Variants in FNTA observed in about 807,000 individuals in gnomAD.
FNTA encodes farnesyltransferase, CAAX box, subunit alpha.
Under a neutral mutation model 55.2 loss-of-function variants are expected in FNTA, and 27 were observed. The ratio of observed to expected loss-of-function variants is 0.49; its 90% CI spans 0.36 to 0.67. The LOEUF (loss-of-function observed/expected upper bound fraction) is 0.67, where lower values mean the gene tolerates loss of function less well. Ranked by LOEUF, FNTA falls within the 30% of genes least tolerant of loss-of-function variation. The pLI, the probability that FNTA is intolerant of heterozygous loss-of-function variation, is 0.00. For missense variants in FNTA, 422 were observed against 464.7 expected (o/e 0.91, Z 0.85); for synonymous variants, 176 against 170.7 (o/e 1.03, Z -0.24).
Position 43,084,868 on chromosome 8 carries a change from A to T in FNTA, c.1004A>T (p.Asn335Ile), listed in dbSNP as rs1395987571. 1 of 1,613,844 alleles carries T rather than the reference A, an allele frequency of 6.2e-7. No homozygotes were observed. The highest frequency in any genetic ancestry group is 2.2e-5 in the East Asian group (1 of 44,866). The change falls in exon 8 of 9, where the codon AAT becomes ATT. Residue 335 changes from asparagine (N) to isoleucine (I), a missense_variant. By Grantham distance (149) the Asn-to-Ile change is moderately radical. This residue lies in a region of FNTA where 262 missense variants were observed against 343.1 expected (regional missense o/e 0.76). Transcript: ENST00000302279. ...TGTGACAATAAGGAAGACATTCTTA[A>T]TAAAGCATTAGAGGTAAGCTGGTGG... ...NQCDNKEDIL[N>I]KALELCEILA...
chr8:43,071,207 C>A (rs1447197295), intron 4 of FNTA, among the ~76,000 whole-genome samples: 1 of 152,020 alleles, frequency 6.6e-6, no homozygotes, highest in Non-Finnish European at 1.5e-5. Context: ...CCATACAATT[C>A]CCCCATTCAA....
chr8:43,068,774 G>A (rs1301494471), intron 3 of FNTA, among the ~76,000 whole-genome samples: 2 of 152,162 alleles, frequency 1.3e-5, no homozygotes, highest in African/African-American at 4.8e-5. Flanking sequence ...GTGCAATGGC[G>A]TGATCTTGGC....
intron 6 of FNTA, chr8:43,082,359 C>T (rs757317309): frequency 4.6e-5 from 7 of 152,136 alleles, no homozygotes; most frequent in Non-Finnish European, 1.0e-4. Context: ...TATTCTTTGC[C>T]TATGTAATTT....
intron 5 of FNTA, among the ~76,000 whole-genome samples, chr8:43,074,839 TTATAC>T (rs975397278): frequency 2.0e-5 from 3 of 152,342 alleles, no homozygotes; most frequent in South Asian, 2.1e-4. Flanking sequence ...ATTGTGGTAG[TTATAC>T]TATACATGGG....
At chr8:43,079,104 C>A in intron 6 of FNTA, 1 of 157,672 alleles carries the variant, frequency 6.3e-6, no homozygotes, top group South Asian at 1.8e-4. Context: ...GAAGCCATCT[C>A]CATAGCATGG....
chr8:43,072,068 A>G (rs1227915689), intron 4 of FNTA, 113 bp from the exon 5 acceptor site: 12 of 719,426 alleles, frequency 1.7e-5, no homozygotes, highest in Middle Eastern at 4.0e-4. Flanking sequence ...AGAATTAGAG[A>G]TGAATTTTTG....
At chr8:43,085,083 T>G in intron 8 of FNTA, 77 bp from the exon 9 acceptor site, 1 of 1,291,100 alleles carries the variant, frequency 7.7e-7, no homozygotes, top group Non-Finnish European at 1.1e-6. Flanking sequence ...TGATTTGAGT[T>G]AAATTGTATT....
At chr8:43,063,357 A>G (rs1810581230) in intron 2 of FNTA, 1 of 454,768 alleles carries the variant, frequency 2.2e-6, no homozygotes, top group Non-Finnish European at 4.4e-6. Flanking sequence ...TTTTTTTGTA[A>G]TCCAATGCTC....
chr8:43,063,568 AAAT>A (rs1174828333), intron 2 of FNTA, among the ~76,000 whole-genome samples: 1 of 152,204 alleles, frequency 6.6e-6, no homozygotes, highest in African/African-American at 2.4e-5. Context: ...GTTTGCATAA[AAAT>A]GAAGGATGGA....
chr8:43,069,552 T>A lies in FNTA; in HGVS notation c.402-3T>A, dbSNP rs1810738236. 2.5e-6 allele frequency: 4 copies of A among 1,592,854 alleles called. No individual in the cohort carries two copies. The Admixed American group carries it at 6.7e-5, about 27-fold the overall frequency. ...GACTTTGGATGTTGTATGTTTGCCC[T>A]AGGCATTTCCGGAGAGTTCTTTTGA... On this transcript the variant is annotated splice_polypyrimidine_tract_variant and splice_region_variant and intron_variant, in intron 3 of 8. Transcript: ENST00000302279.
chr8:43,076,442 A>T (rs1810914208), intron 5 of FNTA, among the ~76,000 whole-genome samples: 1 of 152,218 alleles, frequency 6.6e-6, no homozygotes, highest in Non-Finnish European at 1.5e-5. Context: ...CTCCTGAAGC[A>T]GTGGGATTGC....
chr8:43,064,268 G>T (rs1234933061), intron 3 of FNTA, 53 bp downstream of exon 3: 7 of 1,167,690 alleles, frequency 6.0e-6, no homozygotes, highest in Non-Finnish European at 8.8e-6. Context: ...ACTTCAAGTG[G>T]CTTTTCTTTT....
At chr8:43,057,416 G>T (rs1308508969) in intron 1 of FNTA, 1 of 152,124 alleles carries the variant, frequency 6.6e-6, no homozygotes, top group Non-Finnish European at 1.5e-5. Context: ...TAAATTGGTA[G>T]CCCCATAATC....
At chr8:43,078,239 AC>A (rs1335093869) in intron 6 of FNTA, 1 of 151,818 alleles carries the variant, frequency 6.6e-6, no homozygotes, top group Non-Finnish European at 1.5e-5. Flanking sequence ...AGCGTGCACT[AC>A]CCCTCAAGCA....
rs768053289 is a variant in FNTA, at chr8:43,083,105, A to G, written c.783-13A>G. The G allele has an allele frequency of 1.4e-6, 2 of 1,468,314 alleles. No individual in the cohort carries two copies. The highest frequency in any genetic ancestry group is 1.9e-6 in the Non-Finnish European group (2 of 1,070,056). 91.0% of individuals were successfully genotyped at this position (1,468,314 alleles called of 1,614,324 possible). ...TGTTCTTTTAAAATTGTATATATAT[A>G]TTTTTCTTGCAGATACACTCTGGAA... On this transcript the variant is annotated splice_polypyrimidine_tract_variant and intron_variant, in intron 6 of 8. Coordinates refer to ENST00000302279, the MANE Select transcript of FNTA (RefSeq NM_002027.3).
intron 6 of FNTA, chr8:43,077,585 G>T (rs983447208): frequency 2.9e-6 from 1 of 348,112 alleles, no homozygotes; most frequent in Non-Finnish European, 5.1e-6. Flanking sequence ...AGATTGGAAA[G>T]AAATCTTAAT....
intron 5 of FNTA, among the ~76,000 whole-genome samples, chr8:43,074,012 A>G (rs1810853581): frequency 6.6e-6 from 1 of 152,200 alleles, no homozygotes; most frequent in Non-Finnish European, 1.5e-5. Context: ...TTCATGACAT[A>G]TATATTAAAA....
At chr8:43,058,093 C>T (rs1810452338) in intron 1 of FNTA, among the ~76,000 whole-genome samples, 1 of 152,074 alleles carries the variant, frequency 6.6e-6, no homozygotes, top group Non-Finnish European at 1.5e-5. Context: ...TTTAGCATTG[C>T]TTATTAAGTA....
At chr8:43,058,595 C>T (rs1396532330) in intron 1 of FNTA, among the ~76,000 whole-genome samples, 1 of 151,970 alleles carries the variant, frequency 6.6e-6, no homozygotes, top group African/African-American at 2.4e-5. Flanking sequence ...CATGGTGAAA[C>T]CCCATCTCTA....
Sources: gnomAD v4.1 joint callset for allele counts (sites outside exome capture counted in the v4.1 genomes callset) on GRCh38, gnomAD v4.1.1 for gene constraint, gnomAD v4.1.1 regional missense constraint, MANE v1.5 for transcripts, NCBI Gene and HGNC (gene_info 2026-07-23, HGNC 2026-07-21) for gene names.